SLC26A6: variants seen among roughly 807,000 people sequenced by gnomAD.
SLC26A6 encodes anion exchange transporter.
SLC26A6 carries 67 observed loss-of-function variants against 87.1 expected under a neutral mutation model. The observed-to-expected ratio is 0.77, with a 90% confidence interval of 0.63 to 0.94. The LOEUF is 0.94. SLC26A6 is among the 40% of genes least tolerant of loss of function. The pLI is 0.00. For missense variants in SLC26A6, 902 were observed against 973.0 expected, an observed-to-expected ratio of 0.93 and a Z score of 0.97; for synonymous variants, 414 against 405.9, an observed-to-expected ratio of 1.02 and a Z score of -0.24.
chr3:48,633,801 C>CA, intron 1 of SLC26A6, 166 bp from the exon 2 acceptor site: 1 of 1,449,464 alleles, frequency 6.9e-7, no homozygotes, highest in Non-Finnish European at 9.0e-7. Flanking sequence ...TGTCCAAACT[C>CA]AGACAGGGGC....
rs929555662 is a variant in SLC26A6, at chr3:48,628,151, A to G, written c.1801-113T>C. The G allele has an allele frequency of 2.9e-5, 30 of 1,038,606 alleles. No homozygotes were observed. Among genetic ancestry groups the G allele is most frequent in the Non-Finnish European group, 5.6e-6 (4 of 714,020 alleles). The allele number at this position is 1,038,606 out of a possible 1,614,324, so 64.3% of individuals were successfully genotyped here. A position where few individuals can be genotyped will look rare whatever the true frequency, so the allele number is the denominator to read the frequency against. ...CTGGGCAGGTGGGTGGGCCAGGACC[A>G]GAAGCTGTGGGACCTGCAGCAGCCA... On this transcript the variant is annotated intron_variant, in intron 16 of 20. Coordinates refer to ENST00000395550, the MANE Select transcript of SLC26A6 (RefSeq NM_022911.3). This position sits in a 1 kb window ranked among gnomAD's most constrained non-coding sequence, Gnocchi z 4.4.
rs1288122044 is a variant in SLC26A6 at position 48,630,489 on chromosome 3, G to A, written c.1275C>T (p.Phe425=). The A allele has an allele frequency of 1.3e-6, 2 of 1,561,572 alleles. No homozygotes were observed. The highest frequency in any genetic ancestry group is 1.7e-6 in the Non-Finnish European group (2 of 1,152,588). The change falls in exon 11 of 21, where the codon TTC becomes TTT. Residue 425 remains phenylalanine (F), a synonymous_variant. Coordinates refer to ENST00000395550, the MANE Select transcript of SLC26A6 (RefSeq NM_022911.3). ...CAAGTTTGACAATGATGAGGAGGAT[G>A]AAAAGGGAAGAGATGGCTCCAGCAA... ...SQVAGAISSL[F]ILLIIVKLGE...
Position 48,633,380 on chromosome 3 carries a change from C to T in SLC26A6, c.193G>A (p.Ala65Thr), listed in dbSNP as rs1229255840. ...QWRTWLQCSR[A>T]RAYALLLQHL... The stretch of plus-strand genomic sequence containing the variant: ...TGGAGCAGAAGGGCATAGGCCCGAG[C>T]ACGGGAGCACCTAGGGACATGATAT... Residue 65 changes from alanine to threonine, a missense_variant, in exon 3 of 21, where the codon GCT becomes ACT. Physicochemically the swap from Ala to Thr is moderately conservative, Grantham distance 58 (BLOSUM62 0). Around this residue, in one of 3 missense-constraint regions of SLC26A6, gnomAD observed 800 missense variants for 856.8 expected, o/e 0.93. Coordinates refer to ENST00000395550, the MANE Select transcript of SLC26A6 (RefSeq NM_022911.3). 1 of 1,613,382 alleles carries T rather than the reference C, an allele frequency of 6.2e-7. No individual in the cohort carries two copies. The highest frequency in any genetic ancestry group is 1.1e-5 in the South Asian group (1 of 91,092).
Position 48,633,050 on chromosome 3 carries a change from G to A in SLC26A6, c.357C>T (p.Pro119=), listed in dbSNP as rs2276849. 1.5e-3 allele frequency: 2,375 copies of A among 1,613,408 alleles called. 21 individuals carry two copies. The East Asian group carries it at 0.02, about 13-fold the overall frequency. ...AGAAGGAGCTATAGAGGCCAAACAC[G>A]GGGGGCAATCCAGCCAGGAGGGCGT... The part of the protein sequence containing the change: ...LAYALLAGLP[P]VFGLYSSFYP... The change falls in exon 4 of 21, where the codon CCC becomes CCT. Residue 119 remains proline, a synonymous_variant. Transcript: ENST00000395550.
chr3:48,627,676 T>G (rs993544038), intron 17 of SLC26A6: 1 of 339,036 alleles, frequency 2.9e-6, no homozygotes. Flanking sequence ...CCCCATCCCT[T>G]TCCTCTACCC....
At chr3:48,626,057 C>T in intron 20 of SLC26A6, 57 bp from the exon 21 acceptor site, 1 of 1,613,124 alleles carries the variant, frequency 6.2e-7, no homozygotes, top group Non-Finnish European at 8.5e-7. Flanking sequence ...CAGACCAACC[C>T]CCGCCCCTAG....
In SLC26A6 at chr3:48,631,479, C is replaced by A; in HGVS notation, c.903+170G>T. On this transcript the variant is annotated intron_variant, in intron 7 of 20. Transcript: ENST00000395550. Reference sequence around the variant, plus strand: ...CATTTCGGCTATGGGGAGATGCTGTCAGGGGCAGGAAGAAACCAACATAGG... The same window carrying A: ...CATTTCGGCTATGGGGAGATGCTGTAAGGGGCAGGAAGAAACCAACATAGG... The A allele has an allele frequency of 3.6e-6, 4 of 1,106,950 alleles. No individual in the cohort carries two copies. In the South Asian group the frequency reaches 6.5e-5, roughly 18 times the overall value. The allele number at this position is 1,106,950 out of a possible 1,614,324, so 68.6% of individuals were successfully genotyped here.
intron 7 of SLC26A6, 144 bp downstream of exon 7, chr3:48,631,505 G>A (rs1000237518): frequency 7.6e-6 from 9 of 1,178,044 alleles, no homozygotes; most frequent in African/African-American, 1.5e-5. Flanking sequence ...CCAACATAGG[G>A]GCTTTCTGCT....
In SLC26A6 at chr3:48,630,683, C is replaced by T. The variant is rs776660437; in HGVS notation, c.1172G>A (p.Gly391Asp). Residue 391 changes from glycine (G) to aspartate (D), a missense_variant, in exon 10 of 21, where the codon GGC (glycine) becomes GAC (aspartate). Physicochemically the swap from Gly to Asp is moderately conservative, Grantham distance 94 (BLOSUM62 -1). This residue lies in a region of SLC26A6 where 800 missense variants were observed against 856.8 expected (regional missense o/e 0.93). Coordinates refer to ENST00000395550, the MANE Select transcript of SLC26A6 (RefSeq NM_022911.3). ...VALGLSNLIG[G>D]IFQCFPVSCS... is the part of the protein sequence containing the mutation. ...ACTCACGGGGAAGCACTGGAAGATG[C>T]CTCCGATAAGGTTACTGAGGCCCAG... 2 of 1,602,874 alleles carry T rather than the reference C, an allele frequency of 1.2e-6. No individual in the cohort carries two copies. The highest frequency in any genetic ancestry group is 1.1e-5 in the South Asian group (1 of 89,508).
At position 48,629,612 on chromosome 3, in the gene SLC26A6, A is replaced by G. The variant is rs551003428; in HGVS notation, c.1599+30T>C. 134 of 1,583,274 alleles carry G rather than the reference A, an allele frequency of 8.5e-5. 1 individual carries two copies. Among genetic ancestry groups the G allele is most frequent in the South Asian group, 7.1e-4 (61 of 85,316 alleles). ...TCATTCTTCCTCCGTCTCCCCATCC[A>G]CACCATCTCACTCAGCCCCTGACAC... On this transcript the variant is annotated intron_variant, in intron 14 of 20. Coordinates refer to ENST00000395550, the MANE Select transcript of SLC26A6 (RefSeq NM_022911.3).
chr3:48,635,432 C>T lies in SLC26A6; in HGVS notation c.-39G>A, dbSNP rs779580243. 30 of 1,564,054 alleles carry T rather than the reference C, an allele frequency of 1.9e-5. No individual in the cohort carries two copies. The highest frequency in any genetic ancestry group is 9.5e-5 in the East Asian group (4 of 41,890). ...TCCGGTGCGGGCTGCTCCTGCTGCT[C>T]GAGCTAGAGGCCGCTACGCTCCGGA... On this transcript the variant is annotated 5_prime_UTR_variant, in exon 1 of 21. Transcript: ENST00000395550.
intron 14 of SLC26A6, 50 bp downstream of exon 14, chr3:48,629,592 C>CT: frequency 6.5e-7 from 1 of 1,544,420 alleles, no homozygotes; most frequent in Non-Finnish European, 8.7e-7. Context: ...AAGGCTCATT[C>CT]TTCCTCCGTC....
Position 48,633,370 on chromosome 3 carries a change from T to A in SLC26A6, c.203A>T (p.Tyr68Phe). ...TWLQCSRARA[Y>F]ALLLQHLPVL... Reference sequence around the variant, plus strand: ...CGGGAGGTGTTGGAGCAGAAGGGCATAGGCCCGAGCACGGGAGCACCTAGG... The same window carrying A: ...CGGGAGGTGTTGGAGCAGAAGGGCAAAGGCCCGAGCACGGGAGCACCTAGG... The change falls in exon 3 of 21, where the codon TAT (tyrosine) becomes TTT (phenylalanine). Residue 68 changes from tyrosine to phenylalanine, a missense_variant. Coordinates refer to ENST00000395550, the MANE Select transcript of SLC26A6 (RefSeq NM_022911.3). 1 of 1,613,406 alleles carries A rather than the reference T, an allele frequency of 6.2e-7. No homozygotes were observed. Among genetic ancestry groups the A allele is most frequent in the South Asian group, 1.1e-5 (1 of 91,088 alleles).
chr3:48,625,862 T>G lies in SLC26A6; in HGVS notation c.*124A>C. 5 of 1,287,952 alleles carry G rather than the reference T, an allele frequency of 3.9e-6. No individual in the cohort carries two copies. Among genetic ancestry groups the G allele is most frequent in the Non-Finnish European group, 4.4e-6 (4 of 912,182 alleles). 79.8% of individuals were successfully genotyped at this position (1,287,952 alleles called of 1,614,324 possible). On this transcript the variant is annotated 3_prime_UTR_variant, in exon 21 of 21. Coordinates refer to ENST00000395550, the MANE Select transcript of SLC26A6 (RefSeq NM_022911.3). The surrounding 1 kb of genome is among the most constrained non-coding windows in gnomAD (Gnocchi z 4.7). ...CTTGGAGTCCCAGGACCTCCTTCCC[T>G]GAGTTGTGTGTGTGTACATGGAGGG...
At chr3:48,627,520 G>A (rs1175722454) in intron 17 of SLC26A6, 3 of 187,580 alleles carry the variant, frequency 1.6e-5, no homozygotes, top group African/African-American at 7.1e-5. Flanking sequence ...GCTGAATGCA[G>A]TGGTTATTCA....
Position 48,625,940 on chromosome 3 carries a change from T to C in SLC26A6, c.*46A>G, listed in dbSNP as rs2046607736. On this transcript the variant is annotated 3_prime_UTR_variant, in exon 21 of 21. Transcript: ENST00000395550. The surrounding 1 kb of genome is among the most constrained non-coding windows in gnomAD (Gnocchi z 4.7). ...CTAGGGGTGAGGGGCTTCTCAAGGG[T>C]GCCCTGCACCTCCAGAGGTGCAGTC... 3 of 1,612,968 alleles carry C rather than the reference T, an allele frequency of 1.9e-6. No individual in the cohort carries two copies. The highest frequency in any genetic ancestry group is 1.3e-5 in the African/African-American group (1 of 74,964).
intron 4 of SLC26A6, 198 bp from the exon 5 acceptor site, chr3:48,632,594 A>G: frequency 1.3e-6 from 1 of 751,534 alleles, no homozygotes; most frequent in Non-Finnish European, 2.3e-6. Context: ...GCCCTTAAGC[A>G]TGGCTAGAAA....
chr3:48,631,107 C>T lies in SLC26A6; in HGVS notation c.1020G>A (p.Leu340=), dbSNP rs755048941. The change falls in exon 9 of 21, where the codon CTG becomes CTA. Residue 340 remains leucine, a synonymous_variant. Coordinates refer to ENST00000395550, the MANE Select transcript of SLC26A6 (RefSeq NM_022911.3). Reference sequence around the variant, plus strand: ...AGGCGCTGCCCACGAGCTTTGAGAACAGCTGGGTGTTGGGGGCCACTGGGG... The same window carrying T: ...AGGCGCTGCCCACGAGCTTTGAGAATAGCTGGGTGTTGGGGGCCACTGGGG... The part of the protein sequence containing the change: ...LVPPVAPNTQ[L]FSKLVGSAFT... The T allele has an allele frequency of 2.2e-5, 35 of 1,613,734 alleles. No homozygotes were observed. The highest frequency in any genetic ancestry group is 3.0e-5 in the Non-Finnish European group (35 of 1,180,022).
At chr3:48,629,551 G>T in intron 14 of SLC26A6, 91 bp downstream of exon 14, 1 of 1,404,254 alleles carries the variant, frequency 7.1e-7, no homozygotes. Flanking sequence ...TCAGCCCCCA[G>T]TTCCCTGGCC....
Sources: gnomAD v4.1 joint callset for allele counts on GRCh38, gnomAD v4.1.1 for gene constraint, gnomAD v4.1.1 regional missense constraint, Gnocchi (gnomAD v3.1) non-coding constraint, MANE v1.5 for transcripts, NCBI Gene and HGNC (gene_info 2026-07-23, HGNC 2026-07-21) for gene names.